Variants in CYP19A1 observed in about 807,000 individuals in gnomAD.
CYP19A1 encodes the protein aromatase.
Under a neutral mutation model 44.4 loss-of-function variants are expected in CYP19A1, and 32 were observed. The ratio of observed to expected loss-of-function variants is 0.72; its 90% CI spans 0.54 to 0.97. The LOEUF (loss-of-function observed/expected upper bound fraction) is 0.97. CYP19A1 is among the 50% of genes least tolerant of loss of function. The pLI is 0.00. For synonymous variants in CYP19A1, 212 were observed against 215.6 expected (o/e 0.98, Z 0.14); for missense variants, 598 against 637.8 (o/e 0.94, Z 0.67).
At chr15:51,262,585 G>A (rs1935877181) in intron 1 of CYP19A1, among the ~76,000 whole-genome samples, 1 of 152,126 alleles carries the variant, frequency 6.6e-6, no homozygotes, top group African/African-American at 2.4e-5. Flanking sequence ...TATAGAGTTT[G>A]CCATGTCATG....
intron 1 of CYP19A1, among the ~76,000 whole-genome samples, chr15:51,306,911 G>A (rs1206859172): frequency 6.6e-6 from 1 of 152,226 alleles, no homozygotes; most frequent in African/African-American, 2.4e-5. Context: ...GAAGAGAACT[G>A]AAAAGGCACG....
intron 1 of CYP19A1, among the ~76,000 whole-genome samples, chr15:51,257,099 T>G (rs1020003819): frequency 6.6e-6 from 1 of 152,252 alleles, no homozygotes; most frequent in African/African-American, 2.4e-5. Flanking sequence ...GCCTCCCCCT[T>G]TCTCTCTGCC....
intron 1 of CYP19A1, among the ~76,000 whole-genome samples, chr15:51,243,417 A>G (rs2033898863): frequency 6.6e-6 from 1 of 152,218 alleles, no homozygotes; most frequent in South Asian, 2.1e-4. Context: ...GACCAAAATG[A>G]CTTTTTTGAT....
chr15:51,244,804 G>A (rs200899797), intron 1 of CYP19A1, among the ~76,000 whole-genome samples: 1 of 152,150 alleles, frequency 6.6e-6, no homozygotes, highest in South Asian at 2.1e-4. Context: ...TGAAAGCAAA[G>A]AGATAAGATG....
chr15:51,328,017 G>A lies in CYP19A1; in HGVS notation c.-39+10478C>T, dbSNP rs181570660. 2.0e-4 allele frequency among the ~76,000 whole-genome samples: 30 copies of A among 152,322 alleles called. No homozygotes were observed. In the East Asian group the frequency reaches 5.8e-3, roughly 29 times the overall value. On this transcript the variant is annotated intron_variant, in intron 1 of 9. Coordinates refer to ENST00000396402, the MANE Select transcript of CYP19A1 (RefSeq NM_000103.4). ...TGGAAATCCTACTAAGTAGTTAGATGTCTGCACCTATGTGTAGAGTCGCCA... is the reference window on the plus strand; with the variant it reads ...TGGAAATCCTACTAAGTAGTTAGATATCTGCACCTATGTGTAGAGTCGCCA...
intron 8 of CYP19A1, among the ~76,000 whole-genome samples, chr15:51,212,896 A>G (rs912788381): frequency 6.6e-6 from 1 of 152,176 alleles, no homozygotes; most frequent in African/African-American, 2.4e-5. Context: ...TAGAGGGGGC[A>G]TACATCATAC....
At chr15:51,232,634 ACT>A (rs1268731297) in intron 3 of CYP19A1, among the ~76,000 whole-genome samples, 1 of 151,036 alleles carries the variant, frequency 6.6e-6, no homozygotes, top group African/African-American at 2.4e-5. Flanking sequence ...CAGCACTTTG[ACT>A]CTTTTTTTTT....
At chr15:51,325,963 C>G (rs1413636686) in intron 1 of CYP19A1, among the ~76,000 whole-genome samples, 2 of 150,398 alleles carry the variant, frequency 1.3e-5, no homozygotes, top group Non-Finnish European at 3.0e-5. Flanking sequence ...TAGGCAAAAT[C>G]AAAGCCCATT....
intron 1 of CYP19A1, among the ~76,000 whole-genome samples, chr15:51,252,183 A>G (rs1029522741): frequency 1.3e-5 from 2 of 152,040 alleles, no homozygotes; most frequent in African/African-American, 2.4e-5. Flanking sequence ...AGCTCTTCTC[A>G]TTTCTTTTAG....
At chr15:51,304,892 T>A (rs1369689182) in intron 1 of CYP19A1, among the ~76,000 whole-genome samples, 8 of 126,854 alleles carry the variant, frequency 6.3e-5, no homozygotes, top group South Asian at 5.4e-4. Flanking sequence ...GTCTCTTCCT[T>A]TTTTTTTTTT....
At chr15:51,335,435 C>A (rs1232491026) in intron 1 of CYP19A1, among the ~76,000 whole-genome samples, 2 of 152,198 alleles carry the variant, frequency 1.3e-5, no homozygotes, top group Non-Finnish European at 2.9e-5. Context: ...CCTGGAAGCA[C>A]CAAAGGCTAA....
chr15:51,269,130 CTGTAAG>C (rs752161996), intron 1 of CYP19A1, among the ~76,000 whole-genome samples: 7 of 152,106 alleles, frequency 4.6e-5, no homozygotes, highest in East Asian at 1.9e-4. Flanking sequence ...CTCTTTTCTT[CTGTAAG>C]TGTAATAGTT....
intron 4 of CYP19A1, among the ~76,000 whole-genome samples, chr15:51,224,876 G>A (rs956133386): frequency 6.6e-6 from 1 of 152,160 alleles, no homozygotes; most frequent in African/African-American, 2.4e-5. Context: ...TACCGACAGG[G>A]CCCTGGATGC....
intron 1 of CYP19A1, among the ~76,000 whole-genome samples, chr15:51,317,369 A>G (rs1295960206): frequency 1.3e-5 from 2 of 152,154 alleles, no homozygotes; most frequent in Non-Finnish European, 2.9e-5. Context: ...TTGGCCTCCC[A>G]AAGTGCTGGG....
chr15:51,290,368 T>C (rs537239594), intron 1 of CYP19A1, among the ~76,000 whole-genome samples: 1 of 152,264 alleles, frequency 6.6e-6, no homozygotes, highest in South Asian at 2.1e-4. Flanking sequence ...TTCTTTAAAG[T>C]GGAAAAAGAA....
At chr15:51,336,627 A>G (rs2036779688) in intron 1 of CYP19A1, among the ~76,000 whole-genome samples, 1 of 152,226 alleles carries the variant, frequency 6.6e-6, no homozygotes, top group Non-Finnish European at 1.5e-5. Flanking sequence ...CTTCACAATC[A>G]GGAAGAAATG....
chr15:51,216,414 G>A (rs1385745817), intron 6 of CYP19A1, among the ~76,000 whole-genome samples: 1 of 152,136 alleles, frequency 6.6e-6, no homozygotes, highest in African/African-American at 2.4e-5. Context: ...ACCACGCCCA[G>A]CTAATTTTTT....
In CYP19A1 at chr15:51,224,496, T is replaced by TA. The variant is rs200318789; in HGVS notation, c.452-1972dup. 1.7e-4 allele frequency among the ~76,000 whole-genome samples: 26 copies of TA among 151,550 alleles called. No homozygotes were observed. In the South Asian group the frequency reaches 3.7e-3, roughly 22 times the overall value. On this transcript the variant is annotated intron_variant, in intron 4 of 9. Transcript: ENST00000396402. Reference sequence around the variant, plus strand: ...CTGATCTTGCCTATAGAAGGCTGTCTAAAAAAAAATCACAAAGATGTTTTG... The same window carrying TA: ...CTGATCTTGCCTATAGAAGGCTGTCTAAAAAAAAAATCACAAAGATGTTTTG...
At chr15:51,320,528 G>A (rs942348487) in intron 1 of CYP19A1, among the ~76,000 whole-genome samples, 30 of 152,218 alleles carry the variant, frequency 2.0e-4, no homozygotes, top group African/African-American at 7.0e-4. Context: ...GACATTTCAG[G>A]TACTCCATGT....
Sources: gnomAD v4.1 joint callset for allele counts (sites outside exome capture counted in the v4.1 genomes callset) on GRCh38, gnomAD v4.1.1 for gene constraint, MANE v1.5 for transcripts, NCBI Gene and HGNC (gene_info 2026-07-23, HGNC 2026-07-21) for gene names.